The following ASB3 variants were observed in gnomAD, a reference collection of about 807,000 sequenced individuals.
ASB3 encodes the protein ankyrin repeat and SOCS box containing 3.
ASB3 carries 41 observed loss-of-function variants against 54.5 expected under a neutral mutation model. That is an observed-to-expected ratio of 0.75 (90% CI 0.59 to 0.98). ASB3 has a LOEUF of 0.98. ASB3 is among the 50% of genes least tolerant of loss of function. ASB3 has a pLI of 0.00. For missense variants in ASB3, 733 were observed against 620.0 expected (o/e 1.18, Z -1.94); for synonymous variants, 266 against 221.2 (o/e 1.20, Z -1.80).
chr2:53,750,662 G>A, intron 3 of ASB3, 121 bp downstream of exon 3: 1 of 1,081,650 alleles, frequency 9.2e-7, no homozygotes, highest in South Asian at 3.4e-5. Context: ...GGAAGTAGTG[G>A]TATGATAGTT....
chr2:53,771,959 CT>C lies in ASB3; in HGVS notation c.-13-6375del, dbSNP rs772652089. 7.3e-6 allele frequency: 10 copies of C among 1,373,568 alleles called. No homozygotes were observed. The African/African-American group carries it at 7.3e-5, about 10-fold the overall frequency. The allele number at this position is 1,373,568 out of a possible 1,614,324, so 85.1% of individuals were successfully genotyped here. ...GATCCTGCGGTATGGTATAAATATT[CT>C]TTTTTGTATAATTTTAATTTTATAA... On this transcript the variant is annotated intron_variant, in intron 1 of 9. Coordinates refer to ENST00000263634, the MANE Select transcript of ASB3 (RefSeq NM_016115.5).
At chr2:53,762,035 T>C (rs536547132) in intron 2 of ASB3, among the ~76,000 whole-genome samples, 79 of 152,324 alleles carry the variant, frequency 5.2e-4, no homozygotes, top group African/African-American at 1.8e-3. Context: ...CTGTTGCATT[T>C]TAAAATGATC....
rs1283161228 is a variant in ASB3 at position 53,736,426 on chromosome 2, C to T, written c.356-6856G>A. Among the ~76,000 whole-genome samples the T allele has an allele frequency of 5.3e-5, 8 of 152,204 alleles. No homozygotes were observed. The South Asian group carries it at 6.2e-4, about 12-fold the overall frequency. ...TAACCTTAAAATTGGAGGCCAGGTG[C>T]GGTGGCTCACGCCTGTAATCCCAGC... On this transcript the variant is annotated intron_variant, in intron 3 of 9. Coordinates refer to ENST00000263634, the MANE Select transcript of ASB3 (RefSeq NM_016115.5).
chr2:53,712,242 G>T lies in ASB3; in HGVS notation c.980+2142C>A, dbSNP rs193049214. On this transcript the variant is annotated intron_variant, in intron 7 of 9. Coordinates refer to ENST00000263634, the MANE Select transcript of ASB3 (RefSeq NM_016115.5). ...AAAAAAAAAAAAATACATTAAAAAC[G>T]CTTCTTTGCCAAAGACAGCAGAAGA... 5.3e-4 allele frequency among the ~76,000 whole-genome samples: 80 copies of T among 151,390 alleles called. 1 individual carries two copies. In the East Asian group the frequency reaches 0.011, roughly 20 times the overall value.
Position 53,673,296 on chromosome 2 carries a change from G to A in ASB3, c.1370-2606C>T, listed in dbSNP as rs191173065. The stretch of plus-strand genomic sequence containing the variant: ...CACAACCAGAAGGAAGATAAAGGAT[G>A]GCTGTGCAACCCGGAGGAGAGCTGC... On this transcript the variant is annotated intron_variant, in intron 9 of 9. Transcript: ENST00000263634. 4.6e-5 allele frequency among the ~76,000 whole-genome samples: 7 copies of A among 152,284 alleles called. No individual in the cohort carries two copies. The East Asian group carries it at 1.3e-3, about 29-fold the overall frequency.
intron 3 of ASB3, among the ~76,000 whole-genome samples, chr2:53,745,206 G>C (rs1672158634): frequency 6.6e-6 from 1 of 152,232 alleles, no homozygotes; most frequent in African/African-American, 2.4e-5. Context: ...TATTTATTAT[G>C]TGTATATGGA....
chr2:53,676,793 C>T (rs1291785893), intron 9 of ASB3, among the ~76,000 whole-genome samples: 4 of 152,100 alleles, frequency 2.6e-5, no homozygotes, highest in South Asian at 2.1e-4. Flanking sequence ...TGTTTTGAGA[C>T]GGAGTCTCAC....
At chr2:53,726,607 C>CAT (rs1284222397) in intron 5 of ASB3, among the ~76,000 whole-genome samples, 2 of 150,822 alleles carry the variant, frequency 1.3e-5, no homozygotes, top group Non-Finnish European at 3.0e-5. Context: ...TACACACACA[C>CAT]ATATATATAC....
intron 1 of ASB3, chr2:53,767,995 A>C: frequency 6.2e-7 from 1 of 1,611,442 alleles, no homozygotes; most frequent in Non-Finnish European, 8.5e-7. Flanking sequence ...GCAGGGCAGC[A>C]CGGACCACCG....
At chr2:53,701,249 C>T (rs779891132) in intron 7 of ASB3, among the ~76,000 whole-genome samples, 1 of 152,000 alleles carries the variant, frequency 6.6e-6, no homozygotes, top group Non-Finnish European at 1.5e-5. Flanking sequence ...GGTATGCCAC[C>T]GTGACTGGCC....
At chr2:53,736,700 GA>G (rs60348593) in intron 3 of ASB3, among the ~76,000 whole-genome samples, 25,150 of 130,690 alleles carry the variant, frequency 0.19, 2,439 homozygotes, top group African/African-American at 0.3. Context: ...TTCCATCTCA[GA>G]AAAAAAAAAA....
chr2:53,714,644 T>C (rs1376878424), intron 6 of ASB3, 63 bp from the exon 7 acceptor site: 3 of 1,541,266 alleles, frequency 1.9e-6, no homozygotes, highest in Admixed American at 2.0e-5. Context: ...TAGGCAACAT[T>C]TCTATAGCAC....
intron 9 of ASB3, among the ~76,000 whole-genome samples, chr2:53,677,123 A>T (rs766694161): frequency 6.6e-5 from 10 of 152,150 alleles, no homozygotes; most frequent in Admixed American, 2.6e-4. Flanking sequence ...ATACTTACCA[A>T]TGTGTTACAA....
chr2:53,776,506 G>T (rs972088961), intron 1 of ASB3, among the ~76,000 whole-genome samples: 1 of 151,992 alleles, frequency 6.6e-6, no homozygotes, highest in Admixed American at 6.6e-5. Context: ...TATTTTTATG[G>T]ATTTCTAAAA....
intron 2 of ASB3, among the ~76,000 whole-genome samples, chr2:53,755,885 C>T (rs1264215829): frequency 6.6e-6 from 1 of 152,182 alleles, no homozygotes; most frequent in Admixed American, 6.5e-5. Flanking sequence ...AATGCAGTGG[C>T]TCATGCCTGT....
chr2:53,773,692 G>A (rs1293793062), intron 1 of ASB3, among the ~76,000 whole-genome samples: 2 of 151,464 alleles, frequency 1.3e-5, no homozygotes, highest in African/African-American at 2.4e-5. Flanking sequence ...GCCTCCCAAA[G>A]TGCTGGTATT....
At chr2:53,706,887 A>C (rs11681941) in intron 7 of ASB3, among the ~76,000 whole-genome samples, 16,480 of 152,240 alleles carry the variant, frequency 0.11, 1,085 homozygotes, top group Non-Finnish European at 0.15. Context: ...AACATATCCA[A>C]CCTCTTTTGC....
chr2:53,692,295 G>A (rs1041810683), intron 9 of ASB3, among the ~76,000 whole-genome samples: 1 of 152,042 alleles, frequency 6.6e-6, no homozygotes, highest in Non-Finnish European at 1.5e-5. Flanking sequence ...AGAATTTGTA[G>A]GAAAAATAAC....
intron 1 of ASB3, among the ~76,000 whole-genome samples, chr2:53,781,490 TC>T (rs141800097): frequency 0.016 from 2,500 of 152,140 alleles, 73 homozygotes; most frequent in African/African-American, 0.058. Flanking sequence ...CCTTTGAGAT[TC>T]TTTCCATTTT....
Sources: allele counts gnomAD v4.1 joint callset (sites outside exome capture counted in the v4.1 genomes callset), GRCh38; gene constraint gnomAD v4.1.1; transcripts MANE v1.5; gene names NCBI Gene and HGNC (gene_info 2026-07-23, HGNC 2026-07-21).